The following LRRC37A2 variants were observed in gnomAD, a reference collection of about 807,000 sequenced individuals.
LRRC37A2 encodes the protein leucine-rich repeat-containing protein 37A2.
In LRRC37A2, 9 loss-of-function variants were observed where a neutral mutation model predicts 68.8. The ratio of observed to expected loss-of-function variants is 0.13; its 90% CI spans 0.08 to 0.23. LRRC37A2 has a LOEUF of 0.23. Ranked by LOEUF, LRRC37A2 falls within the 10% of genes least tolerant of loss-of-function variation. The pLI, the probability that LRRC37A2 is intolerant of heterozygous loss-of-function variation, is 1.00. For missense variants in LRRC37A2, 168 were observed against 950.4 expected (o/e 0.18, Z 10.82); for synonymous variants, 63 against 367.6 (o/e 0.17, Z 9.48).
chr17:46,684,329 G>GTA, the LRRC37A2 span, among the ~76,000 whole-genome samples: 1 of 140,764 alleles, frequency 7.1e-6, no homozygotes, highest in Middle Eastern at 3.5e-3. Context: ...TGGCTGCATG[G>GTA]TATTCCATGT....
the LRRC37A2 span, among the ~76,000 whole-genome samples, chr17:46,622,374 CG>C: frequency 6.6e-6 from 1 of 150,386 alleles, no homozygotes; most frequent in Non-Finnish European, 1.5e-5. Context: ...AGGAGAATGG[CG>C]TGAACCCGGG....
At chr17:46,542,811 C>A (rs1308569978) in intron 8 of LRRC37A2, among the ~76,000 whole-genome samples, 5 of 150,668 alleles carry the variant, frequency 3.3e-5, no homozygotes, top group Admixed American at 2.6e-4. Flanking sequence ...CCAGCCCCCA[C>A]AATATGGCAA....
chr17:46,558,108 G>A (rs2057381647), downstream of LRRC37A2, among the ~76,000 whole-genome samples: 2 of 131,888 alleles, frequency 1.5e-5, 1 homozygote, highest in African/African-American at 6.0e-5. Flanking sequence ...TGCTCAGTCT[G>A]GAATGCAATG....
the LRRC37A2 span, among the ~76,000 whole-genome samples, chr17:46,785,503 GC>G: frequency 6.6e-6 from 1 of 152,218 alleles, no homozygotes; most frequent in African/African-American, 2.4e-5. Context: ...CCGAGGACAG[GC>G]CCCAGGAGCC....
At chr17:46,790,260 G>A in the LRRC37A2 span, among the ~76,000 whole-genome samples, 12 of 152,138 alleles carry the variant, frequency 7.9e-5, no homozygotes, top group Non-Finnish European at 1.5e-4. Flanking sequence ...GTTAGGAGCC[G>A]AATCTGGGTT....
chr17:46,836,969 G>A, the LRRC37A2 span, among the ~76,000 whole-genome samples: 2 of 152,110 alleles, frequency 1.3e-5, 1 homozygote, highest in Middle Eastern at 6.8e-3. Context: ...TTGAGACAGA[G>A]TCTCGCTCTG....
the LRRC37A2 span, among the ~76,000 whole-genome samples, chr17:46,840,398 C>T: frequency 1.3e-5 from 2 of 152,332 alleles, no homozygotes; most frequent in Non-Finnish European, 2.9e-5. Context: ...TTTTCTTAAT[C>T]CAGTCTATCA....
At chr17:46,676,139 A>AT in the LRRC37A2 span, among the ~76,000 whole-genome samples, 766 of 139,844 alleles carry the variant, frequency 5.5e-3, 10 homozygotes, top group African/African-American at 0.021. Flanking sequence ...GGACTAGAAA[A>AT]TATCTGCTGC....
At chr17:46,931,741 G>C in the LRRC37A2 span, 1 of 399,586 alleles carries the variant, frequency 2.5e-6, no homozygotes, top group Non-Finnish European at 4.5e-6. Flanking sequence ...TCTTCCAGGA[G>C]AGCCATATAA....
At chr17:46,710,585 T>C in the LRRC37A2 span, among the ~76,000 whole-genome samples, 18 of 152,366 alleles carry the variant, frequency 1.2e-4, no homozygotes, top group Admixed American at 4.6e-4. Context: ...CATATTTGTC[T>C]ATTGCGCTGT....
the LRRC37A2 span, among the ~76,000 whole-genome samples, chr17:46,725,750 C>T: frequency 1.3e-5 from 2 of 152,012 alleles, no homozygotes; most frequent in African/African-American, 4.8e-5. Flanking sequence ...TGGTTACCAA[C>T]CAGAGAGAGT....
At chr17:46,923,128 G>A in the LRRC37A2 span, 2 of 1,135,012 alleles carry the variant, frequency 1.8e-6, no homozygotes, top group Admixed American at 2.0e-5. Flanking sequence ...GAAACCGGAA[G>A]GGGGGCTGTG....
the LRRC37A2 span, among the ~76,000 whole-genome samples, chr17:46,916,350 G>A: frequency 6.6e-6 from 1 of 152,162 alleles, no homozygotes; most frequent in Non-Finnish European, 1.5e-5. Flanking sequence ...CATGGGCCCT[G>A]AGCCTATCCA....
the LRRC37A2 span, among the ~76,000 whole-genome samples, chr17:46,776,650 C>T: frequency 6.6e-6 from 1 of 152,226 alleles, no homozygotes; most frequent in Non-Finnish European, 1.5e-5. Flanking sequence ...CCAGCTGCCC[C>T]CACAGCCCTG....
At chr17:46,823,091 G>GTATTTATAATAAATATT in the LRRC37A2 span, among the ~76,000 whole-genome samples, 1 of 90,122 alleles carries the variant, frequency 1.1e-5, no homozygotes, top group Non-Finnish European at 2.2e-5. Context: ...TAATAAATAT[G>GTATTTATAATAAATATT]TATTATATAA....
the LRRC37A2 span, among the ~76,000 whole-genome samples, chr17:46,918,422 C>G: frequency 6.6e-6 from 1 of 152,108 alleles, no homozygotes; most frequent in Non-Finnish European, 1.5e-5. Context: ...ACTGGGCCCA[C>G]AAAAACATTT....
chr17:46,807,522 G>T, the LRRC37A2 span, among the ~76,000 whole-genome samples: 2 of 152,126 alleles, frequency 1.3e-5, no homozygotes, highest in Admixed American at 6.6e-5. Context: ...AACAGAAGCA[G>T]ACTGGAATTC....
the LRRC37A2 span, among the ~76,000 whole-genome samples, chr17:46,947,529 C>G: frequency 1.9e-3 from 282 of 152,242 alleles, no homozygotes; most frequent in African/African-American, 6.4e-3. Context: ...CCCCACTGTC[C>G]TAGGAAGACC....
At chr17:46,496,455 T>A in the LRRC37A2 span, among the ~76,000 whole-genome samples, 2 of 147,162 alleles carry the variant, frequency 1.4e-5, no homozygotes, top group Non-Finnish European at 3.0e-5. Flanking sequence ...AAGAGAAAAA[T>A]AGCCTAGTGT....
Sources: allele counts gnomAD v4.1 joint callset (sites outside exome capture counted in the v4.1 genomes callset), GRCh38; gene constraint gnomAD v4.1.1; transcripts MANE v1.5; gene names NCBI Gene and HGNC (gene_info 2026-07-23, HGNC 2026-07-21).